Variants in TNRC6B observed in about 807,000 individuals in gnomAD.
The protein encoded by TNRC6B is trinucleotide repeat-containing gene 6B protein.
Under a neutral mutation model 203.6 loss-of-function variants are expected in TNRC6B, and 52 were observed. The ratio of observed to expected loss-of-function variants is 0.26; its 90% CI spans 0.20 to 0.32. The LOEUF is 0.32. Ranked by LOEUF, TNRC6B falls within the 10% of genes least tolerant of loss-of-function variation. The pLI, the probability that TNRC6B is intolerant of heterozygous loss-of-function variation, is 1.00. For missense variants in TNRC6B, 1,923 were observed against 2,286.2 expected, an observed-to-expected ratio of 0.84 and a Z score of 3.24; for synonymous variants, 838 against 845.7, an observed-to-expected ratio of 0.99 and a Z score of 0.16.
At chr22:40,195,092 G>T (rs981485081) in intron 1 of TNRC6B, among the ~76,000 whole-genome samples, 5 of 152,186 alleles carry the variant, frequency 3.3e-5, no homozygotes, top group African/African-American at 1.2e-4. Flanking sequence ...AGAATTATTT[G>T]CAGAGACAAC....
At chr22:40,159,196 C>A (rs1343176795) in intron 4 of TNRC6B, among the ~76,000 whole-genome samples, 2 of 151,434 alleles carry the variant, frequency 1.3e-5, no homozygotes, top group African/African-American at 4.8e-5. Context: ...ATCTCCTGAC[C>A]TTGTGATCTG....
chr22:40,094,490 G>C (rs2068172788), intron 1 of TNRC6B, among the ~76,000 whole-genome samples: 1 of 152,170 alleles, frequency 6.6e-6, no homozygotes, highest in African/African-American at 2.4e-5. Context: ...AACAAAAACA[G>C]TTTGAAGAAG....
intron 1 of TNRC6B, among the ~76,000 whole-genome samples, chr22:40,211,835 C>T (rs1048525441): frequency 1.3e-5 from 2 of 152,166 alleles, no homozygotes; most frequent in East Asian, 1.9e-4. Flanking sequence ...GAGGGGGAAC[C>T]CTGTGCCCCA....
intron 21 of TNRC6B, among the ~76,000 whole-genome samples, chr22:40,318,007 T>G (rs1302717912): frequency 6.6e-6 from 1 of 152,228 alleles, no homozygotes; most frequent in Admixed American, 6.5e-5. Flanking sequence ...ACATGTATAC[T>G]TGGTTAAACA....
chr22:40,278,929 C>T (rs967562649), intron 9 of TNRC6B, among the ~76,000 whole-genome samples: 3 of 152,258 alleles, frequency 2.0e-5, no homozygotes, highest in African/African-American at 4.8e-5. Context: ...TTAGTAGGGA[C>T]GGGATTTCGC....
intron 1 of TNRC6B, among the ~76,000 whole-genome samples, chr22:40,235,042 C>G (rs990010737): frequency 4.6e-5 from 7 of 152,074 alleles, no homozygotes; most frequent in African/African-American, 1.4e-4. Context: ...CATTGTACTC[C>G]TTTGTTAATT....
chr22:40,205,726 G>A (rs1027527312), intron 1 of TNRC6B, among the ~76,000 whole-genome samples: 2 of 152,210 alleles, frequency 1.3e-5, no homozygotes, highest in African/African-American at 2.4e-5. Flanking sequence ...AAAGTGTTGA[G>A]TGTTTATCAT....
chr22:40,237,840 C>G (rs952229156), intron 1 of TNRC6B, among the ~76,000 whole-genome samples: 19 of 151,944 alleles, frequency 1.3e-4, no homozygotes, highest in African/African-American at 4.1e-4. Flanking sequence ...GGCCCCTTTC[C>G]AGCTTTTTGT....
chr22:40,050,907 G>A (rs962320107), intron 1 of TNRC6B, among the ~76,000 whole-genome samples: 5 of 150,650 alleles, frequency 3.3e-5, no homozygotes, highest in Admixed American at 2.0e-4. Flanking sequence ...TCACTGCAAC[G>A]TCTGCCTCCT....
intron 9 of TNRC6B, among the ~76,000 whole-genome samples, 185 bp from the exon 10 acceptor site, chr22:40,279,810 G>A (rs933724088): frequency 1.3e-5 from 2 of 152,268 alleles, no homozygotes; most frequent in South Asian, 4.2e-4. Flanking sequence ...AAGGACCCAT[G>A]TGTGTTCCAG....
chr22:40,069,565 G>A (rs1490293509), intron 1 of TNRC6B, among the ~76,000 whole-genome samples: 3 of 149,234 alleles, frequency 2.0e-5, no homozygotes, highest in African/African-American at 7.5e-5. Context: ...TCGGCTCACC[G>A]CAACCTCCGC....
At chr22:40,168,263 A>G (rs2068939202) in intron 4 of TNRC6B, among the ~76,000 whole-genome samples, 1 of 152,164 alleles carries the variant, frequency 6.6e-6, no homozygotes, top group Non-Finnish European at 1.5e-5. Flanking sequence ...TCATTCCACA[A>G]TATTAATTGA....
At chr22:40,226,983 C>T (rs1222374223) in intron 1 of TNRC6B, among the ~76,000 whole-genome samples, 1 of 151,970 alleles carries the variant, frequency 6.6e-6, no homozygotes, top group Non-Finnish European at 1.5e-5. Flanking sequence ...AATCTCAGCT[C>T]ATTGCAGCCT....
chr22:40,301,836 G>A (rs893195665), intron 15 of TNRC6B, among the ~76,000 whole-genome samples: 2 of 152,112 alleles, frequency 1.3e-5, no homozygotes, highest in South Asian at 2.1e-4. Flanking sequence ...TTGATCACCA[G>A]CATGAAGCCA....
At chr22:40,297,522 A>G (rs1038703191) in intron 12 of TNRC6B, among the ~76,000 whole-genome samples, 1 of 152,136 alleles carries the variant, frequency 6.6e-6, no homozygotes, top group Non-Finnish European at 1.5e-5. Context: ...CTCAAATTAA[A>G]AAATCAATAA....
Position 40,298,398 on chromosome 22 carries a change from C to T in TNRC6B, c.3709-2057C>T, listed in dbSNP as rs181542295. ...ATACCTTTCTGTTCTTGGCTCTTCA[C>T]CAAGAAATGGAAGGAGATACAGGTG... On this transcript the variant is annotated intron_variant, in intron 12 of 22. Coordinates refer to ENST00000454349, the MANE Select transcript of TNRC6B (RefSeq NM_001162501.2). 1.3e-3 allele frequency among the ~76,000 whole-genome samples: 205 copies of T among 152,080 alleles called. 1 individual carries two copies. Among genetic ancestry groups the T allele is most frequent in the African/African-American group, 4.1e-3 (168 of 41,462 alleles).
intron 3 of TNRC6B, among the ~76,000 whole-genome samples, chr22:40,259,527 A>C (rs2070342613): frequency 6.6e-6 from 1 of 152,024 alleles, no homozygotes. Context: ...TGGCCGACTA[A>C]TTTTATTTTC....
At chr22:40,233,345 C>T (rs1181665939) in intron 1 of TNRC6B, among the ~76,000 whole-genome samples, 3 of 149,238 alleles carry the variant, frequency 2.0e-5, no homozygotes, top group Admixed American at 6.7e-5. Flanking sequence ...AATTATCAGC[C>T]GGTCGCGGTG....
chr22:40,047,685 C>T (rs1306360430), intron 1 of TNRC6B, among the ~76,000 whole-genome samples: 1 of 152,022 alleles, frequency 6.6e-6, no homozygotes, highest in Non-Finnish European at 1.5e-5. Flanking sequence ...CATCTTATTT[C>T]TTCCCTGTTT....
Sources: gnomAD v4.1 joint callset for allele counts (sites outside exome capture counted in the v4.1 genomes callset) on GRCh38, gnomAD v4.1.1 for gene constraint, MANE v1.5 for transcripts, NCBI Gene and HGNC (gene_info 2026-07-23, HGNC 2026-07-21) for gene names.